The following CALB2 variants were observed in gnomAD, a reference collection of about 807,000 sequenced individuals.
The protein encoded by CALB2 is calretinin.
CALB2 carries 34 observed loss-of-function variants against 45.9 expected under a neutral mutation model. That is an observed-to-expected ratio of 0.74 (90% CI 0.56 to 0.99). The LOEUF (loss-of-function observed/expected upper bound fraction) is 0.99. Ranked by LOEUF, CALB2 falls within the 50% of genes least tolerant of loss-of-function variation. CALB2 has a pLI of 0.00. For missense variants in CALB2, 344 were observed against 339.3 expected, an observed-to-expected ratio of 1.01 and a Z score of -0.11; for synonymous variants, 142 against 129.6, an observed-to-expected ratio of 1.10 and a Z score of -0.65.
chr16:71,384,448 C>T (rs1393779979), intron 8 of CALB2, 70 bp downstream of exon 8: 1 of 1,221,352 alleles, frequency 8.2e-7, no homozygotes, highest in Non-Finnish European at 1.2e-6. Context: ...CCTCCTTCCC[C>T]CAACGCACCA....
Position 71,358,792 on chromosome 16 carries a change from C to A in CALB2, c.-1C>A, listed in dbSNP as rs2042208317. 3.1e-6 allele frequency: 5 copies of A among 1,603,906 alleles called. No individual in the cohort carries two copies. The highest frequency in any genetic ancestry group is 4.2e-6 in the Non-Finnish European group (5 of 1,176,696). On this transcript the variant is annotated 5_prime_UTR_variant, in exon 1 of 11. Transcript: ENST00000302628. ...AGGCTGAGGTCTCCGAGCGGCTCGC[C>A]ATGGCTGGCCCGCAGCAGCAGCCCC...
At chr16:71,367,833 C>T (rs1266666064) in intron 1 of CALB2, among the ~76,000 whole-genome samples, 1 of 152,154 alleles carries the variant, frequency 6.6e-6, no homozygotes, top group Admixed American at 6.5e-5. Flanking sequence ...GAGGGGGGTT[C>T]CTCCTGCCCC....
At chr16:71,382,963 T>C (rs1427141466) in intron 5 of CALB2, among the ~76,000 whole-genome samples, 188 bp downstream of exon 5, 1 of 151,006 alleles carries the variant, frequency 6.6e-6, no homozygotes, top group African/African-American at 2.4e-5. Flanking sequence ...TGCCAGGCTG[T>C]AGATTTCAAC....
intron 10 of CALB2, among the ~76,000 whole-genome samples, chr16:71,388,486 A>T (rs1001395140): frequency 1.3e-5 from 2 of 152,190 alleles, no homozygotes; most frequent in Admixed American, 6.5e-5. Context: ...GGTTATTTGT[A>T]TCCGAAGCAA....
intron 2 of CALB2, 149 bp downstream of exon 2, chr16:71,372,378 C>T: frequency 1.7e-6 from 1 of 592,664 alleles, no homozygotes; most frequent in Non-Finnish European, 3.0e-6. Flanking sequence ...ATAGACTGTC[C>T]CCTAAGAGTA....
At chr16:71,360,572 A>G (rs1287176969) in intron 1 of CALB2, among the ~76,000 whole-genome samples, 1 of 152,198 alleles carries the variant, frequency 6.6e-6, no homozygotes, top group Non-Finnish European at 1.5e-5. Context: ...TGATTCAAGG[A>G]AAGTTACCAA....
intron 1 of CALB2, among the ~76,000 whole-genome samples, chr16:71,362,670 G>A (rs1295868798): frequency 6.6e-6 from 1 of 152,178 alleles, no homozygotes; most frequent in Non-Finnish European, 1.5e-5. Flanking sequence ...GTTTAAAACT[G>A]TAGCTGAACA....
At chr16:71,373,600 G>A (rs550536436) in intron 2 of CALB2, among the ~76,000 whole-genome samples, 71 of 152,278 alleles carry the variant, frequency 4.7e-4, no homozygotes, top group African/African-American at 1.6e-3. Context: ...TGCCATCCAG[G>A]ACTGGTTCTC....
intron 10 of CALB2, among the ~76,000 whole-genome samples, chr16:71,389,141 T>C (rs528860229): frequency 6.6e-6 from 1 of 152,044 alleles, no homozygotes; most frequent in Non-Finnish European, 1.5e-5. Flanking sequence ...TGAGCCGAGA[T>C]CGTGTCACTT....
At position 71,389,814 on chromosome 16, in the gene CALB2, G is replaced by T; in HGVS notation, c.765G>T (p.Lys255Asn). 1.2e-6 allele frequency: 2 copies of T among 1,614,014 alleles called. No homozygotes were observed. The highest frequency in any genetic ancestry group is 1.7e-6 in the Non-Finnish European group (2 of 1,179,988). ...TCATGTCCTTGGCAGAGGCAGGGAA[G>T]CTCTACCGCAAGGACCTGGAGATTG... ...KSVMSLAEAG[K>N]LYRKDLEIVL... Residue 255 changes from lysine to asparagine, a missense_variant, in exon 11 of 11, where the codon AAG becomes AAT. Coordinates refer to ENST00000302628, the MANE Select transcript of CALB2 (RefSeq NM_001740.5).
At position 71,383,409 on chromosome 16, in the gene CALB2, G is replaced by A. The variant is rs769361644; in HGVS notation, c.442G>A (p.Asp148Asn). The A allele has an allele frequency of 7.4e-6, 12 of 1,614,124 alleles. No individual in the cohort carries two copies. The South Asian group carries it at 7.7e-5, about 10-fold the overall frequency. ...DLLKKANRPY[D>N]EPKLQEYTQT... ...GCTGAAGAAGGCGAACCGGCCGTAC[G>A]ATGAGCCCAAGCTCCAGGAATACAC... The change falls in exon 6 of 11, where the codon GAT becomes AAT. Residue 148 changes from aspartate (D) to asparagine (N), a missense_variant. Asp to Asn is a conservative substitution (Grantham distance 23). Transcript: ENST00000302628.
intron 4 of CALB2, 90 bp from the exon 5 acceptor site, chr16:71,382,628 GA>G: frequency 8.2e-7 from 1 of 1,221,316 alleles, no homozygotes; most frequent in South Asian, 1.4e-5. Context: ...TGAAGATCAA[GA>G]CCCTGGGTGG....
Position 71,384,125 on chromosome 16 carries a change from G to T in CALB2, c.533+100G>T, listed in dbSNP as rs972243517. 5 of 1,309,450 alleles carry T rather than the reference G, an allele frequency of 3.8e-6. No individual in the cohort carries two copies. In the South Asian group the frequency reaches 5.9e-5, roughly 15 times the overall value. The allele number at this position is 1,309,450 out of a possible 1,614,324, so 81.1% of individuals were successfully genotyped here. A position where few individuals can be genotyped will look rare whatever the true frequency, so the allele number is the denominator to read the frequency against. ...ATTGGTGGGAAAGTGACAGGTGCGG[G>T]TGTCAAGAAGCTCAAGACAAAGCAA... On this transcript the variant is annotated intron_variant, in intron 7 of 10. Coordinates refer to ENST00000302628, the MANE Select transcript of CALB2 (RefSeq NM_001740.5).
At chr16:71,370,153 C>T (rs928361413) in intron 1 of CALB2, among the ~76,000 whole-genome samples, 8 of 152,194 alleles carry the variant, frequency 5.3e-5, no homozygotes, top group Admixed American at 6.5e-5. Flanking sequence ...TCATGTGATT[C>T]GTGCCATACA....
intron 1 of CALB2, 49 bp downstream of exon 1, chr16:71,358,935 C>G (rs780095422): frequency 6.6e-7 from 1 of 1,524,770 alleles, no homozygotes; most frequent in Non-Finnish European, 9.0e-7. Flanking sequence ...AGGGGACCTG[C>G]GGTGAAGGGG....
chr16:71,374,645 C>T, intron 2 of CALB2, 100 bp from the exon 3 acceptor site: 1 of 790,222 alleles, frequency 1.3e-6, no homozygotes, highest in South Asian at 1.5e-5. Flanking sequence ...GTTCTGCACC[C>T]ACTTACCCAG....
At chr16:71,359,286 T>C (rs1184395250) in intron 1 of CALB2, among the ~76,000 whole-genome samples, 1 of 152,160 alleles carries the variant, frequency 6.6e-6, no homozygotes, top group Non-Finnish European at 1.5e-5. Flanking sequence ...TGTTGAATGC[T>C]AGGTTAGCCC....
intron 1 of CALB2, among the ~76,000 whole-genome samples, chr16:71,359,674 G>A (rs764806783): frequency 6.6e-6 from 1 of 152,188 alleles, no homozygotes; most frequent in Non-Finnish European, 1.5e-5. Flanking sequence ...GACCTTTGGA[G>A]GTAGCCCCCA....
At chr16:71,389,191 A>ATAAAAAAAG (rs2042607668) in intron 10 of CALB2, among the ~76,000 whole-genome samples, 1 of 152,004 alleles carries the variant, frequency 6.6e-6, no homozygotes, top group South Asian at 2.1e-4. Context: ...CCGCCTCAAA[A>ATAAAAAAAG]TAAAAAAAAT....
Sources: allele counts gnomAD v4.1 joint callset (sites outside exome capture counted in the v4.1 genomes callset), GRCh38; gene constraint gnomAD v4.1.1; transcripts MANE v1.5; gene names NCBI Gene and HGNC (gene_info 2026-07-23, HGNC 2026-07-21).